Variants in KIAA1217 observed in about 807,000 individuals in gnomAD.
KIAA1217 encodes the protein KIAA1217.
Under a neutral mutation model 163.9 loss-of-function variants are expected in KIAA1217, and 88 were observed. The observed-to-expected ratio is 0.54, with a 90% confidence interval of 0.45 to 0.64. KIAA1217 has a LOEUF of 0.64. Among genes scored for constraint, KIAA1217 ranks in the 30% least tolerant of loss-of-function variants. The pLI is 0.00. For missense variants in KIAA1217, 2,372 were observed against 2,475.0 expected (o/e 0.96, Z 0.88); for synonymous variants, 903 against 923.1 (o/e 0.98, Z 0.39).
At chr10:24,403,104 C>T (rs2131122411) in intron 3 of KIAA1217, among the ~76,000 whole-genome samples, 1 of 152,142 alleles carries the variant, frequency 6.6e-6, no homozygotes, top group South Asian at 2.1e-4. Flanking sequence ...AACCATACAA[C>T]TTTTAGATAA....
intron 2 of KIAA1217, among the ~76,000 whole-genome samples, chr10:24,091,172 C>A (rs1261749920): frequency 6.6e-6 from 1 of 151,848 alleles, no homozygotes; most frequent in Non-Finnish European, 1.5e-5. Flanking sequence ...TATTATCAGT[C>A]CTGCCTCACA....
intron 2 of KIAA1217, among the ~76,000 whole-genome samples, chr10:24,303,038 G>A (rs772879707): frequency 2.8e-4 from 42 of 152,174 alleles, no homozygotes; most frequent in Middle Eastern, 3.4e-3. Context: ...TCTAGAAATA[G>A]GGTCTTGCTC....
intron 2 of KIAA1217, among the ~76,000 whole-genome samples, chr10:24,341,318 G>A (rs944415475): frequency 6.6e-6 from 1 of 151,902 alleles, no homozygotes; most frequent in East Asian, 1.9e-4. Flanking sequence ...TCCTTCATTG[G>A]GATGGAAATC....
intron 2 of KIAA1217, among the ~76,000 whole-genome samples, chr10:24,272,030 T>C (rs1387004668): frequency 6.6e-6 from 1 of 151,802 alleles, no homozygotes; most frequent in East Asian, 1.9e-4. Context: ...GAGTAGGAAA[T>C]TGGGTGGGAA....
intron 2 of KIAA1217, among the ~76,000 whole-genome samples, chr10:24,074,134 A>C (rs375059114): frequency 4.6e-5 from 7 of 152,338 alleles, no homozygotes; most frequent in African/African-American, 1.7e-4. Context: ...ACCTGAAGTC[A>C]GGAGTTTGAG....
At chr10:23,888,275 A>C (rs1408132380) in intron 1 of KIAA1217, among the ~76,000 whole-genome samples, 2 of 151,882 alleles carry the variant, frequency 1.3e-5, no homozygotes, top group Non-Finnish European at 2.9e-5. Context: ...CACCAATTTG[A>C]CCTCATTCAG....
At chr10:23,979,614 C>T (rs1296333296) in intron 1 of KIAA1217, among the ~76,000 whole-genome samples, 1 of 152,106 alleles carries the variant, frequency 6.6e-6, no homozygotes. Flanking sequence ...TTGTTGTTTT[C>T]CCAAGAGGGA....
At chr10:24,485,089 CTTTTTT>C (rs71506835) in intron 6 of KIAA1217, among the ~76,000 whole-genome samples, 14 of 140,960 alleles carry the variant, frequency 9.9e-5, no homozygotes, top group Middle Eastern at 3.7e-3. Flanking sequence ...GACCTGCCCG[CTTTTTT>C]TTTTTTTTTT....
chr10:24,304,798 AG>A (rs1228943307), intron 2 of KIAA1217, among the ~76,000 whole-genome samples: 1 of 152,200 alleles, frequency 6.6e-6, no homozygotes, highest in Non-Finnish European at 1.5e-5. Flanking sequence ...AAAGCTATGT[AG>A]CCTCTACAAG....
intron 2 of KIAA1217, among the ~76,000 whole-genome samples, chr10:24,257,404 C>A (rs899663030): frequency 1.5e-4 from 23 of 152,174 alleles, no homozygotes; most frequent in Non-Finnish European, 3.1e-4. Flanking sequence ...GTTCACCAGA[C>A]ATCTGTGGGG....
At chr10:24,251,658 C>G (rs575030331) in intron 2 of KIAA1217, among the ~76,000 whole-genome samples, 1 of 152,020 alleles carries the variant, frequency 6.6e-6, no homozygotes, top group South Asian at 2.1e-4. Context: ...ACCTGCCTCC[C>G]TTACATGCCT....
chr10:23,911,139 A>G (rs543353321), intron 1 of KIAA1217, among the ~76,000 whole-genome samples: 1 of 152,326 alleles, frequency 6.6e-6, no homozygotes, highest in African/African-American at 2.4e-5. Flanking sequence ...AAAGGCTAAA[A>G]TATTAAAGTT....
rs117278955 is a variant in KIAA1217, at chr10:24,148,848, T to C, written c.-170-70778T>C. On this transcript the variant is annotated intron_variant, in intron 2 of 18. Coordinates refer to the KIAA1217 transcript ENST00000376462. ...ATTGTTTTGGGGAAAGATAGATATA[T>C]GTTATTTTTTAATCTGAATATATGT... Among the ~76,000 whole-genome samples, 101 of 152,362 alleles carry C rather than the reference T, an allele frequency of 6.6e-4. 2 individuals carry two copies. In the East Asian group the frequency reaches 0.012, roughly 18 times the overall value.
chr10:24,225,599 G>T (rs571871036), intron 2 of KIAA1217, among the ~76,000 whole-genome samples: 1 of 152,198 alleles, frequency 6.6e-6, no homozygotes, highest in South Asian at 2.1e-4. Context: ...CATGGTAAAG[G>T]TATTTGAGAA....
At chr10:24,039,675 A>T (rs961898158) in intron 2 of KIAA1217, among the ~76,000 whole-genome samples, 3 of 152,152 alleles carry the variant, frequency 2.0e-5, no homozygotes, top group African/African-American at 7.2e-5. Flanking sequence ...ATTTATCAGG[A>T]CCTACCCCCA....
chr10:23,985,786 A>T (rs866225928), intron 1 of KIAA1217, among the ~76,000 whole-genome samples: 9 of 152,126 alleles, frequency 5.9e-5, no homozygotes, highest in African/African-American at 2.2e-4. Flanking sequence ...CCTTGGTCCA[A>T]TGGCTTCCTT....
chr10:24,279,577 G>T (rs1317980444), intron 2 of KIAA1217, among the ~76,000 whole-genome samples: 1 of 151,834 alleles, frequency 6.6e-6, no homozygotes, highest in Non-Finnish European at 1.5e-5. Flanking sequence ...TAAACCAAAG[G>T]GTTATGAATT....
chr10:23,985,672 A>T (rs1480041798), intron 1 of KIAA1217, among the ~76,000 whole-genome samples: 4 of 152,230 alleles, frequency 2.6e-5, no homozygotes, highest in African/African-American at 9.6e-5. Context: ...AAGCAAAGTC[A>T]AAATCTCAAT....
chr10:23,790,577 ATG>A (rs1210712800), intron 1 of KIAA1217, among the ~76,000 whole-genome samples: 5 of 123,650 alleles, frequency 4.0e-5, no homozygotes, highest in African/African-American at 1.5e-4. Flanking sequence ...ATATATACAT[ATG>A]TATATGTACA....
Sources: gnomAD v4.1 joint callset for allele counts (sites outside exome capture counted in the v4.1 genomes callset) on GRCh38, gnomAD v4.1.1 for gene constraint, MANE v1.5 for transcripts, NCBI Gene and HGNC (gene_info 2026-07-23, HGNC 2026-07-21) for gene names.